SBF2: variants seen among roughly 807,000 people sequenced by gnomAD.
SBF2 encodes myotubularin-related protein 13.
SBF2 carries 112 observed loss-of-function variants against 225.2 expected under a neutral mutation model. The observed-to-expected ratio is 0.50, with a 90% CI of 0.43 to 0.58. The LOEUF is 0.58. Among genes scored for constraint, SBF2 ranks in the 20% least tolerant of loss-of-function variants. The pLI, the probability that SBF2 is intolerant of heterozygous loss-of-function variation, is 0.00. For synonymous variants in SBF2, 763 were observed against 773.3 expected (o/e 0.99, Z 0.22); for missense variants, 1,996 against 2,206.2 (o/e 0.90, Z 1.91).
At chr11:10,125,643 G>C (rs1056157540) in intron 2 of SBF2, among the ~76,000 whole-genome samples, 7 of 151,996 alleles carry the variant, frequency 4.6e-5, no homozygotes, top group African/African-American at 1.7e-4. Flanking sequence ...TTAGAGACAG[G>C]GTACAGTTGT....
At chr11:10,280,084 C>T (rs546163198) in intron 1 of SBF2, among the ~76,000 whole-genome samples, 48 of 152,172 alleles carry the variant, frequency 3.2e-4, no homozygotes, top group African/African-American at 1.1e-3. Context: ...GGTTGAGCAT[C>T]CCTAATTCAA....
At chr11:10,112,592 A>G (rs1952929469) in intron 2 of SBF2, among the ~76,000 whole-genome samples, 1 of 152,232 alleles carries the variant, frequency 6.6e-6, no homozygotes, top group Non-Finnish European at 1.5e-5. Context: ...ATACACTACC[A>G]GACAAGGACA....
chr11:10,065,814 G>T (rs550423935), intron 2 of SBF2, among the ~76,000 whole-genome samples: 1 of 152,064 alleles, frequency 6.6e-6, no homozygotes, highest in Non-Finnish European at 1.5e-5. Flanking sequence ...CAGGTGTGAC[G>T]GTGCATGTCT....
intron 2 of SBF2, among the ~76,000 whole-genome samples, chr11:10,056,622 T>C (rs930596317): frequency 3.3e-5 from 5 of 152,156 alleles, no homozygotes; most frequent in Admixed American, 6.5e-5. Context: ...AGATGTTTAT[T>C]AGCTGAAGAA....
chr11:10,027,514 G>T (rs891762655), intron 6 of SBF2, among the ~76,000 whole-genome samples: 1 of 152,126 alleles, frequency 6.6e-6, no homozygotes, highest in Non-Finnish European at 1.5e-5. Context: ...AAGAAATTAA[G>T]AATTCCATGA....
intron 18 of SBF2, among the ~76,000 whole-genome samples, chr11:9,857,806 TAGA>T (rs201396678): frequency 1.3e-5 from 2 of 152,354 alleles, no homozygotes; most frequent in South Asian, 2.1e-4. Context: ...AGAATATTCC[TAGA>T]AGAAGACCTA....
At chr11:10,123,026 T>C (rs541498364) in intron 2 of SBF2, among the ~76,000 whole-genome samples, 2 of 152,114 alleles carry the variant, frequency 1.3e-5, no homozygotes, top group Non-Finnish European at 2.9e-5. Flanking sequence ...CCTCAACCAT[T>C]TCATGAGTCA....
intron 17 of SBF2, among the ~76,000 whole-genome samples, chr11:9,880,246 TTAACTA>T (rs1859646996): frequency 6.6e-6 from 1 of 152,234 alleles, no homozygotes; most frequent in African/African-American, 2.4e-5. Context: ...TTGCATGTTA[TTAACTA>T]TATCTGGCTG....
intron 16 of SBF2, among the ~76,000 whole-genome samples, chr11:9,919,870 T>G (rs888926104): frequency 6.6e-6 from 1 of 152,092 alleles, no homozygotes; most frequent in Admixed American, 6.5e-5. Context: ...AAGCTGAGAT[T>G]ACAGGCATGT....
intron 10 of SBF2, 145 bp downstream of exon 10, chr11:9,993,776 G>A: frequency 1.3e-6 from 1 of 795,574 alleles, no homozygotes; most frequent in Non-Finnish European, 2.0e-6. Context: ...AGGACAGTCA[G>A]CGGCAAGTAT....
rs1202910381 is a variant in SBF2, at chr11:10,233,613, A to C, written c.56-39626T>G. On this transcript the variant is annotated intron_variant, in intron 1 of 39. Coordinates refer to ENST00000256190, the MANE Select transcript of SBF2 (RefSeq NM_030962.4). ...TTTAAACAACCTGTGATAATTCTCC[A>C]AAAAAAAAAAAAAGGTATTGATTAG... Among the ~76,000 whole-genome samples the C allele has an allele frequency of 9.6e-4, 47 of 49,050 alleles. 1 individual carries two copies. The highest frequency in any genetic ancestry group is 4.8e-4 in the Non-Finnish European group (8 of 16,538). The allele number at this position is 49,050 out of a possible 152,430, so 32.2% of individuals were successfully genotyped here.
chr11:9,807,980 C>T lies in SBF2; in HGVS notation c.4443+20G>A, dbSNP rs370632930. 2.0e-5 allele frequency: 33 copies of T among 1,611,998 alleles called. No individual in the cohort carries two copies. The highest frequency in any genetic ancestry group is 2.7e-5 in the Non-Finnish European group (32 of 1,178,194). ...TGTTCTTTCCTTCATATCAAGTCAA[C>T]TCAAGCTTGCTCTACTTACCTGGTG... On this transcript the variant is annotated intron_variant, in intron 32 of 39. Coordinates refer to ENST00000256190, the MANE Select transcript of SBF2 (RefSeq NM_030962.4).
chr11:10,039,395 AC>A (rs1949565427), intron 3 of SBF2, among the ~76,000 whole-genome samples: 1 of 151,544 alleles, frequency 6.6e-6, no homozygotes, highest in East Asian at 1.9e-4. Flanking sequence ...CCTCTTTTCC[AC>A]CAAGCCCAAA....
chr11:10,137,687 TG>T (rs1480828905), intron 2 of SBF2, among the ~76,000 whole-genome samples: 1 of 152,152 alleles, frequency 6.6e-6, no homozygotes, highest in Non-Finnish European at 1.5e-5. Flanking sequence ...TGTCTGCTTT[TG>T]GTATCAGAGT....
chr11:9,839,188 G>C (rs1172201176), intron 26 of SBF2: 5 of 380,520 alleles, frequency 1.3e-5, no homozygotes. Context: ...CCTCTATTGG[G>C]CTGGGAAAAT....
chr11:9,829,328 C>G lies in SBF2; in HGVS notation c.3793+28G>C, dbSNP rs1450499784. The G allele has an allele frequency of 3.1e-6, 5 of 1,612,104 alleles. No homozygotes were observed. In the African/African-American group the frequency reaches 6.7e-5, roughly 22 times the overall value. ...GAACTGACCTTTCATTAGAAGCTGT[C>G]AAGAAGAAAAGTATTATCAAATCTT... On this transcript the variant is annotated intron_variant, in intron 28 of 39. Coordinates refer to ENST00000256190, the MANE Select transcript of SBF2 (RefSeq NM_030962.4).
intron 2 of SBF2, among the ~76,000 whole-genome samples, chr11:10,050,893 T>C (rs774762043): frequency 1.1e-4 from 17 of 152,144 alleles, no homozygotes; most frequent in Non-Finnish European, 2.1e-4. Flanking sequence ...TTTAATATTT[T>C]TGGACCTCAG....
At chr11:9,854,101 G>C (rs141755693) in intron 19 of SBF2, among the ~76,000 whole-genome samples, 1 of 152,308 alleles carries the variant, frequency 6.6e-6, no homozygotes, top group African/African-American at 2.4e-5. Context: ...TTATTACATA[G>C]AGAACAAGTA....
chr11:9,850,310 C>G (rs750765826), intron 21 of SBF2, 92 bp from the exon 22 acceptor site: 3 of 1,154,316 alleles, frequency 2.6e-6, no homozygotes, highest in Admixed American at 3.7e-5. Context: ...GCCTAGAATA[C>G]AGTAGTGCAA....
Sources: gnomAD v4.1 joint callset for allele counts (sites outside exome capture counted in the v4.1 genomes callset) on GRCh38, gnomAD v4.1.1 for gene constraint, MANE v1.5 for transcripts, NCBI Gene and HGNC (gene_info 2026-07-23, HGNC 2026-07-21) for gene names.